DNAJC18: variants seen among roughly 807,000 people sequenced by gnomAD.
The protein encoded by DNAJC18 is dnaJ homolog subfamily C member 18.
Under a neutral mutation model 48.6 loss-of-function variants are expected in DNAJC18, and 40 were observed. That is an observed-to-expected ratio of 0.82 (90% confidence interval 0.64 to 1.07). DNAJC18 has a LOEUF of 1.07. Among genes scored for constraint, DNAJC18 ranks in the 50% least tolerant of loss-of-function variants. DNAJC18 has a pLI of 0.00. For synonymous variants in DNAJC18, 135 were observed against 152.2 expected (o/e 0.89, Z 0.83); for missense variants, 340 against 427.7 (o/e 0.79, Z 1.81).
In DNAJC18 at chr5:139,411,610, C is replaced by G. The variant is rs1355575313; in HGVS notation, c.*2538G>C. 1 of 152,182 alleles carries G rather than the reference C, an allele frequency of 6.6e-6. No individual in the cohort carries two copies. 9.4% of individuals were successfully genotyped at this position (152,182 alleles called of 1,614,324 possible). On this transcript the variant is annotated 3_prime_UTR_variant, in exon 8 of 8. Coordinates refer to ENST00000302060, the MANE Select transcript of DNAJC18 (RefSeq NM_152686.4). ...GTATCAAATAGATAAATCCTTCAACCAAAAGCAAATACGGTTCCCTTGAGG... is the reference window on the plus strand; with the variant it reads ...GTATCAAATAGATAAATCCTTCAACGAAAAGCAAATACGGTTCCCTTGAGG...
At chr5:139,428,464 T>A in intron 3 of DNAJC18, 74 bp downstream of exon 3, 1 of 1,545,832 alleles carries the variant, frequency 6.5e-7, no homozygotes, top group East Asian at 2.3e-5. Flanking sequence ...AAAACAACTA[T>A]GGGGAAGGCT....
At chr5:139,414,562 G>T (rs555732937) in intron 7 of DNAJC18, among the ~76,000 whole-genome samples, 1 of 152,200 alleles carries the variant, frequency 6.6e-6, no homozygotes, top group Non-Finnish European at 1.5e-5. Flanking sequence ...GGAAACCTGC[G>T]CATGTGCAGT....
intron 6 of DNAJC18, among the ~76,000 whole-genome samples, chr5:139,422,023 G>T (rs1205882420): frequency 6.6e-6 from 1 of 151,918 alleles, no homozygotes; most frequent in African/African-American, 2.4e-5. Flanking sequence ...TCAAACTTCA[G>T]TGTGGACCAG....
At chr5:139,424,636 G>T (rs1263793649) in intron 5 of DNAJC18, among the ~76,000 whole-genome samples, 1 of 141,294 alleles carries the variant, frequency 7.1e-6, no homozygotes, top group Non-Finnish European at 1.5e-5. Flanking sequence ...GGGAGGATTG[G>T]TTGAGCCCTG....
chr5:139,435,954 G>A (rs764512943), intron 2 of DNAJC18, among the ~76,000 whole-genome samples: 1 of 150,200 alleles, frequency 6.7e-6, no homozygotes, highest in African/African-American at 2.4e-5. Context: ...GAACTCCTGG[G>A]CTCAAGTGAT....
At chr5:139,429,916 G>A (rs1759302925) in intron 2 of DNAJC18, among the ~76,000 whole-genome samples, 1 of 152,148 alleles carries the variant, frequency 6.6e-6, no homozygotes, top group Non-Finnish European at 1.5e-5. Flanking sequence ...AACAGAGCAT[G>A]ATCCTGTCTC....
In DNAJC18 at chr5:139,411,757, C is replaced by T. The variant is rs1156677342; in HGVS notation, c.*2391G>A. The T allele has an allele frequency of 1.3e-5, 2 of 152,170 alleles. No homozygotes were observed. The highest frequency in any genetic ancestry group is 2.9e-5 in the Non-Finnish European group (2 of 68,036). The allele number at this position is 152,170 out of a possible 1,614,324, so 9.4% of individuals were successfully genotyped here. ...AGTTATTATTGCTTCTATTTAGTAT[C>T]ATCACAGATTACTTATCGCTGCCAT... On this transcript the variant is annotated 3_prime_UTR_variant, in exon 8 of 8. Coordinates refer to ENST00000302060, the MANE Select transcript of DNAJC18 (RefSeq NM_152686.4).
At position 139,425,012 on chromosome 5, in the gene DNAJC18, T is replaced by G. The variant is rs200387616; in HGVS notation, c.662A>C (p.Lys221Thr). ...TQTQKEEEEE[K>T]PQTTYSAFIQ... is the part of the protein sequence containing the mutation. ...TCCTCCCTCCCTAGGTACCTGAGGT[T>G]TCTCTTCTTCCTCCTCCTTCTGAGT... The change falls in exon 5 of 8, where the codon AAA becomes ACA. Residue 221 changes from lysine (K) to threonine (T), a missense_variant. Physicochemically the swap from Lys to Thr is moderately conservative, Grantham distance 78. Coordinates refer to ENST00000302060, the MANE Select transcript of DNAJC18 (RefSeq NM_152686.4). 141 of 1,612,810 alleles carry G rather than the reference T, an allele frequency of 8.7e-5. 1 individual carries two copies. The East Asian group carries it at 3.0e-3, about 34-fold the overall frequency.
chr5:139,414,120 C>A lies in DNAJC18; in HGVS notation c.*28G>T, dbSNP rs752628347. 2 of 1,599,428 alleles carry A rather than the reference C, an allele frequency of 1.3e-6. No individual in the cohort carries two copies. The highest frequency in any genetic ancestry group is 2.2e-5 in the East Asian group (1 of 44,680). On this transcript the variant is annotated 3_prime_UTR_variant, in exon 8 of 8. Transcript: ENST00000302060. ...CATAAATAGGAACAAGTAGCAAAAC[C>A]CCAGCCCTGCGTAGGACCATTATCC...
Position 139,412,812 on chromosome 5 carries a change from AG to A in DNAJC18, c.*1335del, listed in dbSNP as rs1759012713. Reference sequence around the variant, plus strand: ...GACAGGGTCCTGCTTCCTAAAGAGCAGCAGGGATGTTGTCCTGAACAGATGC... The same window carrying A: ...GACAGGGTCCTGCTTCCTAAAGAGCACAGGGATGTTGTCCTGAACAGATGC... On this transcript the variant is annotated 3_prime_UTR_variant, in exon 8 of 8. Transcript: ENST00000302060. 7.5e-6 allele frequency: 3 copies of A among 398,576 alleles called. No individual in the cohort carries two copies. Among genetic ancestry groups the A allele is most frequent in the Admixed American group, 4.4e-5 (1 of 22,714 alleles). The allele number at this position is 398,576 out of a possible 1,614,324, so 24.7% of individuals were successfully genotyped here. A position where few individuals can be genotyped will look rare whatever the true frequency, so the allele number is the denominator to read the frequency against.
intron 2 of DNAJC18, among the ~76,000 whole-genome samples, chr5:139,431,025 TCG>T (rs1438726168): frequency 6.6e-6 from 1 of 152,170 alleles, no homozygotes; most frequent in Non-Finnish European, 1.5e-5. Context: ...GGGAAATTCA[TCG>T]TAAGTCAGTA....
At chr5:139,429,452 A>G (rs1459082165) in intron 2 of DNAJC18, among the ~76,000 whole-genome samples, 3 of 152,192 alleles carry the variant, frequency 2.0e-5, no homozygotes, top group African/African-American at 7.2e-5. Context: ...AAGTTTATAC[A>G]GTAAAAATTT....
At chr5:139,426,621 A>G (rs1293904421) in intron 3 of DNAJC18, among the ~76,000 whole-genome samples, 1 of 152,198 alleles carries the variant, frequency 6.6e-6, no homozygotes, top group Non-Finnish European at 1.5e-5. Context: ...TCCTGTAGTC[A>G]TCCCAGCTGT....
rs1038560732 is a variant in DNAJC18, at chr5:139,410,250, T to C, written c.*3898A>G. On this transcript the variant is annotated 3_prime_UTR_variant, in exon 8 of 8. Coordinates refer to ENST00000302060, the MANE Select transcript of DNAJC18 (RefSeq NM_152686.4). The stretch of plus-strand genomic sequence containing the variant: ...AATGTTTTTCTTTGTTGCAGTACAC[T>C]CAATCCAGATGTAGTGGATGAGGTG... The C allele has an allele frequency of 6.6e-6, 1 of 152,240 alleles. No homozygotes were observed. Among genetic ancestry groups the C allele is most frequent in the African/African-American group, 2.4e-5 (1 of 41,456 alleles). 9.4% of individuals were successfully genotyped at this position (152,240 alleles called of 1,614,324 possible).
chr5:139,429,960 A>C (rs992666562), intron 2 of DNAJC18, among the ~76,000 whole-genome samples: 2 of 152,180 alleles, frequency 1.3e-5, no homozygotes, highest in African/African-American at 4.8e-5. Context: ...TATCTTGGAG[A>C]TCAATCCTTA....
intron 7 of DNAJC18, among the ~76,000 whole-genome samples, chr5:139,417,053 G>A (rs934794843): frequency 6.6e-6 from 1 of 152,036 alleles, no homozygotes; most frequent in African/African-American, 2.4e-5. Context: ...AGCCAGGCAC[G>A]GTGGCATGCA....
intron 7 of DNAJC18, among the ~76,000 whole-genome samples, chr5:139,419,350 C>T (rs1385445924): frequency 6.6e-6 from 1 of 152,220 alleles, no homozygotes; most frequent in Non-Finnish European, 1.5e-5. Context: ...AAGCCAGTGG[C>T]AGATGCTATC....
intron 2 of DNAJC18, among the ~76,000 whole-genome samples, chr5:139,434,065 ATT>A (rs1293195724): frequency 1.3e-5 from 2 of 151,816 alleles, no homozygotes; most frequent in African/African-American, 4.8e-5. Context: ...CTAGTTTTGT[ATT>A]TTTAGTAGAG....
chr5:139,429,988 G>C (rs1759304031), intron 2 of DNAJC18, among the ~76,000 whole-genome samples: 1 of 152,068 alleles, frequency 6.6e-6, no homozygotes, highest in Admixed American at 6.6e-5. Context: ...GAGATGAGAA[G>C]TATAGAATAA....
Sources: allele counts gnomAD v4.1 joint callset (sites outside exome capture counted in the v4.1 genomes callset), GRCh38; gene constraint gnomAD v4.1.1; transcripts MANE v1.5; gene names NCBI Gene and HGNC (gene_info 2026-07-23, HGNC 2026-07-21).